Variants in PRKCE observed in about 807,000 individuals in gnomAD.
The protein encoded by PRKCE is protein kinase C epsilon.
In PRKCE, 16 loss-of-function variants were observed where a neutral mutation model predicts 85.4. The ratio of observed to expected loss-of-function variants is 0.19; its 90% CI spans 0.13 to 0.28. The LOEUF (loss-of-function observed/expected upper bound fraction) is 0.28, where lower values mean the gene tolerates loss of function less well. Among genes scored for constraint, PRKCE ranks in the 10% least tolerant of loss-of-function variants. The pLI is 1.00. For synonymous variants in PRKCE, 388 were observed against 371.5 expected (o/e 1.04, Z -0.51); for missense variants, 573 against 975.2 (o/e 0.59, Z 5.49).
At chr2:45,941,848 T>A (rs938047829) in intron 2 of PRKCE, among the ~76,000 whole-genome samples, 9 of 152,084 alleles carry the variant, frequency 5.9e-5, no homozygotes, top group African/African-American at 2.2e-4. Context: ...AGGTCATAGA[T>A]TCATTAATTA....
At chr2:45,903,254 C>A (rs1438851635) in intron 2 of PRKCE, among the ~76,000 whole-genome samples, 2 of 152,192 alleles carry the variant, frequency 1.3e-5, no homozygotes, top group Non-Finnish European at 2.9e-5. Flanking sequence ...TACCCTCAGG[C>A]CATCTTGGTT....
rs912982054 is a variant in PRKCE, at chr2:45,917,771, G to A, written c.413-58658G>A. ...GCCGCACGGGAGCTCACGGTCGGGG[G>A]TGGGAGGCTCAGGCATGGTGGGCTG... On this transcript the variant is annotated intron_variant, in intron 2 of 14. Transcript: ENST00000306156. 7.0e-4 allele frequency among the ~76,000 whole-genome samples: 107 copies of A among 152,336 alleles called. 2 individuals carry two copies. Among genetic ancestry groups the A allele is most frequent in the Admixed American group, 6.9e-3 (105 of 15,310 alleles).
intron 14 of PRKCE, among the ~76,000 whole-genome samples, chr2:46,181,526 G>A (rs539320502): frequency 1.3e-5 from 2 of 152,330 alleles, no homozygotes; most frequent in South Asian, 4.1e-4. Flanking sequence ...CCACCATGGA[G>A]CTAAGGTCCT....
intron 1 of PRKCE, among the ~76,000 whole-genome samples, chr2:45,834,587 T>G (rs1360939572): frequency 6.7e-6 from 1 of 149,594 alleles, no homozygotes; most frequent in Non-Finnish European, 1.5e-5. Flanking sequence ...TGTGCGCATG[T>G]GTGTATGTGT....
chr2:45,780,461 A>G (rs895434268), intron 1 of PRKCE, among the ~76,000 whole-genome samples: 5 of 152,174 alleles, frequency 3.3e-5, no homozygotes, highest in African/African-American at 9.7e-5. Context: ...CTTGAGCAGA[A>G]TTAGATTTGA....
At chr2:45,943,660 A>G (rs1331615877) in intron 2 of PRKCE, among the ~76,000 whole-genome samples, 2 of 151,918 alleles carry the variant, frequency 1.3e-5, no homozygotes, top group Non-Finnish European at 2.9e-5. Flanking sequence ...TTTGAGGAGG[A>G]CACAGAATAT....
At chr2:46,074,678 G>A (rs959557201) in intron 10 of PRKCE, among the ~76,000 whole-genome samples, 2 of 152,162 alleles carry the variant, frequency 1.3e-5, no homozygotes, top group Non-Finnish European at 2.9e-5. Context: ...GAATCAGAGT[G>A]GCAGCCACGA....
chr2:46,170,519 A>G (rs766288524), intron 14 of PRKCE, among the ~76,000 whole-genome samples: 1 of 152,230 alleles, frequency 6.6e-6, no homozygotes, highest in Non-Finnish European at 1.5e-5. Flanking sequence ...TCACAAATGC[A>G]TCCCCAGCAG....
At chr2:45,703,423 A>T (rs1678843692) in intron 1 of PRKCE, among the ~76,000 whole-genome samples, 1 of 152,138 alleles carries the variant, frequency 6.6e-6, no homozygotes. Flanking sequence ...TTGTAGTCCC[A>T]GCTACTCGGG....
intron 10 of PRKCE, among the ~76,000 whole-genome samples, chr2:46,057,881 C>A (rs1666742963): frequency 6.6e-6 from 1 of 152,190 alleles, no homozygotes; most frequent in African/African-American, 2.4e-5. Context: ...GTGAAAAGAT[C>A]TGAGTATAAA....
chr2:45,941,219 G>A (rs1699858259), intron 2 of PRKCE, among the ~76,000 whole-genome samples: 1 of 152,134 alleles, frequency 6.6e-6, no homozygotes, highest in Admixed American at 6.6e-5. Context: ...GTGGCCACTT[G>A]CTCATGGATT....
At chr2:45,808,874 C>T (rs1034043287) in intron 1 of PRKCE, among the ~76,000 whole-genome samples, 5 of 152,160 alleles carry the variant, frequency 3.3e-5, no homozygotes, top group Non-Finnish European at 5.9e-5. Flanking sequence ...TGTTCTCCAA[C>T]AATACCTGGG....
intron 1 of PRKCE, among the ~76,000 whole-genome samples, chr2:45,840,935 C>T (rs937693156): frequency 6.6e-6 from 1 of 152,154 alleles, no homozygotes; most frequent in African/African-American, 2.4e-5. Context: ...ACATGCCTGC[C>T]TTCCTTCCTG....
chr2:46,044,147 C>T (rs1574317495), intron 10 of PRKCE, among the ~76,000 whole-genome samples: 1 of 152,296 alleles, frequency 6.6e-6, no homozygotes, highest in East Asian at 1.9e-4. Context: ...TGTGTTCAAA[C>T]CCTGGTTTAG....
intron 11 of PRKCE, among the ~76,000 whole-genome samples, chr2:46,114,503 C>A (rs577026788): frequency 1.9e-4 from 28 of 148,904 alleles, no homozygotes; most frequent in Admixed American, 1.3e-3. Flanking sequence ...CTGCAAGCTC[C>A]ACCTCCCAGG....
chr2:46,020,247 A>C (rs1706534874), intron 10 of PRKCE, among the ~76,000 whole-genome samples: 1 of 152,082 alleles, frequency 6.6e-6, no homozygotes, highest in Admixed American at 6.5e-5. Context: ...ATGCGCTATT[A>C]GAGGAGGATG....
chr2:46,069,703 C>A (rs1178147206), intron 10 of PRKCE, among the ~76,000 whole-genome samples: 1 of 152,058 alleles, frequency 6.6e-6, no homozygotes, highest in Non-Finnish European at 1.5e-5. Context: ...AAAATTAGCA[C>A]AAATTTTAAA....
At chr2:45,717,749 G>A (rs1680262219) in intron 1 of PRKCE, among the ~76,000 whole-genome samples, 1 of 152,172 alleles carries the variant, frequency 6.6e-6, no homozygotes, top group African/African-American at 2.4e-5. Context: ...CACTGGTCTG[G>A]CTACTTCCAC....
chr2:45,777,623 C>A (rs1441252183), intron 1 of PRKCE, among the ~76,000 whole-genome samples: 1 of 152,166 alleles, frequency 6.6e-6, no homozygotes, highest in African/African-American at 2.4e-5. Context: ...CAACTCTATG[C>A]AGTACGTATT....
Sources: allele counts gnomAD v4.1 joint callset (sites outside exome capture counted in the v4.1 genomes callset), GRCh38; gene constraint gnomAD v4.1.1; transcripts MANE v1.5; gene names NCBI Gene and HGNC (gene_info 2026-07-23, HGNC 2026-07-21).